Variants in PDE11A observed in about 807,000 individuals in gnomAD.
PDE11A encodes phosphodiesterase 11A.
Under a neutral mutation model 100.5 loss-of-function variants are expected in PDE11A, and 100 were observed. The ratio of observed to expected loss-of-function variants is 1.00; its 90% CI spans 0.85 to 1.18. PDE11A has a LOEUF of 1.18. PDE11A is among the 50% of genes most tolerant of loss of function. The pLI is 0.00. For missense variants in PDE11A, 1,141 were observed against 1,152.6 expected, an observed-to-expected ratio of 0.99 and a Z score of 0.15; for synonymous variants, 381 against 420.8, an observed-to-expected ratio of 0.91 and a Z score of 1.16.
intron 2 of PDE11A, among the ~76,000 whole-genome samples, chr2:177,995,369 T>C (rs1427609603): frequency 6.6e-6 from 1 of 152,232 alleles, no homozygotes; most frequent in Non-Finnish European, 1.5e-5. Context: ...CTTTCAGAAC[T>C]ATTTTCTCCA....
chr2:177,884,906 C>T (rs542491353), intron 4 of PDE11A, among the ~76,000 whole-genome samples: 4 of 152,162 alleles, frequency 2.6e-5, no homozygotes, highest in South Asian at 2.1e-4. Flanking sequence ...ATAGTGAGAA[C>T]GACTTAGAAA....
At chr2:177,701,305 G>A in intron 13 of PDE11A, 94 bp from the exon 14 acceptor site, 1 of 742,034 alleles carries the variant, frequency 1.3e-6, no homozygotes, top group South Asian at 1.4e-5. Flanking sequence ...TTTTGGCAAA[G>A]GACCATGAGC....
chr2:177,907,051 T>C (rs1337607748), intron 2 of PDE11A, among the ~76,000 whole-genome samples: 1 of 152,164 alleles, frequency 6.6e-6, no homozygotes, highest in African/African-American at 2.4e-5. Flanking sequence ...AGGAGAGTGA[T>C]CAAATGAAGA....
rs540540896 is a variant in PDE11A at position 177,869,297 on chromosome 2, T to C, written c.1367+6562A>G. Among the ~76,000 whole-genome samples the C allele has an allele frequency of 4.6e-5, 7 of 152,356 alleles. No homozygotes were observed. In the East Asian group the frequency reaches 5.8e-4, roughly 13 times the overall value. On this transcript the variant is annotated intron_variant, in intron 5 of 19. Coordinates refer to ENST00000286063, the MANE Select transcript of PDE11A (RefSeq NM_016953.4). ...CTCTTATAAGACCAAAATCAAGGAA[T>C]TGACAGAGCTATATTCCTCTCTGAA...
At chr2:177,695,123 G>C (rs188333894) in intron 15 of PDE11A, among the ~76,000 whole-genome samples, 2 of 151,442 alleles carry the variant, frequency 1.3e-5, no homozygotes, top group Non-Finnish European at 2.9e-5. Context: ...TGTGTGTGGG[G>C]GGGGAGGGGT....
intron 6 of PDE11A, among the ~76,000 whole-genome samples, chr2:177,836,738 C>A (rs1022495002): frequency 3.3e-5 from 5 of 152,140 alleles, no homozygotes; most frequent in African/African-American, 1.2e-4. Context: ...CCAGTGAGAC[C>A]ACGAACTCAC....
chr2:177,747,773 G>T (rs986658421), intron 10 of PDE11A, among the ~76,000 whole-genome samples: 2 of 152,084 alleles, frequency 1.3e-5, no homozygotes, highest in African/African-American at 4.8e-5. Flanking sequence ...AGAGACCTTG[G>T]TCTCATCCTC....
intron 10 of PDE11A, among the ~76,000 whole-genome samples, chr2:177,736,525 A>C (rs945884504): frequency 6.6e-6 from 1 of 151,524 alleles, no homozygotes; most frequent in Admixed American, 6.6e-5. Flanking sequence ...GAAAAAAAAA[A>C]GAAAAAAAAA....
In PDE11A at chr2:177,769,407, C is replaced by A. The variant is rs115616942; in HGVS notation, c.1738-34G>T. 7,007 of 1,198,590 alleles carry A rather than the reference C, an allele frequency of 5.8e-3. 117 individuals are homozygous for A. The highest frequency in any genetic ancestry group is 0.038 in the African/African-American group (2,562 of 66,772). 74.2% of individuals were successfully genotyped at this position (1,198,590 alleles called of 1,614,324 possible). On this transcript the variant is annotated intron_variant, in intron 9 of 19. Transcript: ENST00000286063. ...GAAGAAAAAAAAATAATTTTAATAACTAGACATGACTGTATTTTCTGAAAT... is the reference window on the plus strand; with the variant it reads ...GAAGAAAAAAAAATAATTTTAATAAATAGACATGACTGTATTTTCTGAAAT...
intron 10 of PDE11A, among the ~76,000 whole-genome samples, chr2:177,733,744 A>T (rs1288597190): frequency 1.3e-5 from 2 of 152,222 alleles, no homozygotes; most frequent in African/African-American, 4.8e-5. Context: ...GTGATGTGGA[A>T]GGGACAGCAA....
chr2:177,674,318 GT>G, intron 17 of PDE11A, among the ~76,000 whole-genome samples: 1 of 152,330 alleles, frequency 6.6e-6, no homozygotes, highest in Non-Finnish European at 1.5e-5. Flanking sequence ...AGTGTATTCT[GT>G]CATAGTTCTG....
At chr2:177,868,158 G>T (rs1558982206) in intron 5 of PDE11A, among the ~76,000 whole-genome samples, 1 of 152,128 alleles carries the variant, frequency 6.6e-6, no homozygotes. Flanking sequence ...AGTCAATAAG[G>T]CATTGAAACA....
upstream of PDE11A, among the ~76,000 whole-genome samples, chr2:178,075,653 C>T (rs750329803): frequency 5.3e-5 from 8 of 151,596 alleles, no homozygotes; most frequent in Non-Finnish European, 1.0e-4. Flanking sequence ...TTATTCTTTT[C>T]CCTCCCTTCT....
chr2:178,030,455 C>A (rs1007652914), intron 1 of PDE11A, among the ~76,000 whole-genome samples: 1 of 152,014 alleles, frequency 6.6e-6, no homozygotes, highest in African/African-American at 2.4e-5. Flanking sequence ...GAAATTATAC[C>A]AAACATCATG....
intron 4 of PDE11A, among the ~76,000 whole-genome samples, chr2:177,890,375 C>T (rs1244176198): frequency 6.6e-6 from 1 of 152,162 alleles, no homozygotes; most frequent in Non-Finnish European, 1.5e-5. Flanking sequence ...CGAGCCTGCC[C>T]AGGCACCTGC....
chr2:178,067,702 G>GT (rs2087066528), intron 1 of PDE11A, among the ~76,000 whole-genome samples: 1 of 152,174 alleles, frequency 6.6e-6, no homozygotes, highest in African/African-American at 2.4e-5. Flanking sequence ...CTTGGTACTA[G>GT]TTTTTTGTGG....
rs935304960 is a variant in PDE11A, at chr2:177,997,766, G to A, written c.1071+16536C>T. On this transcript the variant is annotated intron_variant, in intron 2 of 19. Transcript: ENST00000286063. ...TCCACATAACTGAACTGTAGTTTGGGTTCTTCATCACCAGCATTCCCTCCA... is the reference window on the plus strand; with the variant it reads ...TCCACATAACTGAACTGTAGTTTGGATTCTTCATCACCAGCATTCCCTCCA... The A allele has an allele frequency of 4.3e-6, 6 of 1,385,230 alleles. No homozygotes were observed. The African/African-American group carries it at 8.5e-5, about 20-fold the overall frequency. The allele number at this position is 1,385,230 out of a possible 1,614,324, so 85.8% of individuals were successfully genotyped here.
At chr2:177,797,674 C>T (rs892287846) in intron 9 of PDE11A, among the ~76,000 whole-genome samples, 14 of 152,140 alleles carry the variant, frequency 9.2e-5, no homozygotes, top group African/African-American at 2.4e-4. Context: ...AAATGTTCTG[C>T]TGTGTTTGGG....
chr2:177,716,627 C>A (rs2081440991), intron 12 of PDE11A, among the ~76,000 whole-genome samples: 1 of 151,996 alleles, frequency 6.6e-6, no homozygotes, highest in African/African-American at 2.4e-5. Flanking sequence ...CTTGCTAATA[C>A]TAGGTAAAAC....
Sources: allele counts gnomAD v4.1 joint callset (sites outside exome capture counted in the v4.1 genomes callset), GRCh38; gene constraint gnomAD v4.1.1; transcripts MANE v1.5; gene names NCBI Gene and HGNC (gene_info 2026-07-23, HGNC 2026-07-21).